TESPA1: variants seen among roughly 807,000 people sequenced by gnomAD.
TESPA1 encodes the protein thymocyte expressed, positive selection associated 1, also known as protein TESPA1.
Under a neutral mutation model 57.9 loss-of-function variants are expected in TESPA1, and 33 were observed. The observed-to-expected ratio is 0.57, with a 90% CI of 0.43 to 0.76. The LOEUF is 0.76. TESPA1 is among the 30% of genes least tolerant of loss of function. The probability of loss-of-function intolerance (pLI) is 0.00; values close to 1 mark genes in which losing one functional copy is unlikely to be tolerated. For missense variants in TESPA1, 618 were observed against 632.9 expected, an observed-to-expected ratio of 0.98 and a Z score of 0.25; for synonymous variants, 227 against 228.9, an observed-to-expected ratio of 0.99 and a Z score of 0.07.
rs973392036 is a variant in TESPA1, at chr12:54,974,472, C to T, written c.91G>A (p.Glu31Lys). The T allele has an allele frequency of 6.2e-7, 1 of 1,606,858 alleles. No homozygotes were observed. The highest frequency in any genetic ancestry group is 1.7e-5 in the Admixed American group (1 of 59,222). The change falls in exon 2 of 11, where the codon GAG (glutamate) becomes AAG (lysine). Residue 31 changes from glutamate to lysine, a missense_variant. Around this residue, in one of 3 missense-constraint regions of TESPA1, gnomAD observed 199 missense variants for 184.0 expected, o/e 1.08. Coordinates refer to ENST00000449076, the MANE Select transcript of TESPA1 (RefSeq NM_001136030.3). Reference protein sequence around the residue: ...SRNWQTQVLEEEAAAALQDVP... With the variant: ...SRNWQTQVLEKEAAAALQDVP... The stretch of plus-strand genomic sequence containing the variant: ...TCCTGCAGGGCGGCGGCAGCCTCCT[C>T]TTCTAGGACCTGGGTCTGCCAGTTA...
intron 8 of TESPA1, 136 bp downstream of exon 8, chr12:54,963,606 A>T: frequency 1.0e-6 from 1 of 1,004,590 alleles, no homozygotes; most frequent in African/African-American, 1.6e-5. Flanking sequence ...CACTGAAGAC[A>T]ACATAAGAGG....
intron 10 of TESPA1, among the ~76,000 whole-genome samples, chr12:54,953,521 A>ATTTTTTTTTT (rs1950529183): frequency 8.2e-6 from 1 of 121,602 alleles, no homozygotes; most frequent in Non-Finnish European, 1.6e-5. Flanking sequence ...TTTTTTATTT[A>ATTTTTTTTTT]CTTTTTTTTT....
chr12:54,966,513 C>T, intron 5 of TESPA1, 89 bp from the exon 6 acceptor site: 2 of 1,478,892 alleles, frequency 1.4e-6, no homozygotes, highest in Non-Finnish European at 1.8e-6. Flanking sequence ...ACTCAGTCCC[C>T]TCTGTTTCTT....
intron 10 of TESPA1, among the ~76,000 whole-genome samples, chr12:54,952,269 C>T (rs1206216671): frequency 6.6e-6 from 1 of 152,186 alleles, no homozygotes; most frequent in Non-Finnish European, 1.5e-5. Context: ...GCTCCCAGAA[C>T]TGTAGTAAAT....
At chr12:54,959,417 C>T (rs943472190) in intron 10 of TESPA1, among the ~76,000 whole-genome samples, 1 of 152,214 alleles carries the variant, frequency 6.6e-6, no homozygotes, top group African/African-American at 2.4e-5. Context: ...TCTCCCGCCC[C>T]CTGCGGGAAA....
chr12:54,977,041 C>T (rs141069455), intron 1 of TESPA1, among the ~76,000 whole-genome samples: 6 of 151,950 alleles, frequency 3.9e-5, no homozygotes, highest in Non-Finnish European at 7.4e-5. Context: ...CTACCTTAAT[C>T]GCTTTCACTG....
chr12:54,973,392 C>T (rs1951960007), intron 3 of TESPA1, 85 bp downstream of exon 3: 3 of 1,582,404 alleles, frequency 1.9e-6, no homozygotes, highest in Non-Finnish European at 1.7e-6. Flanking sequence ...AATCCATCTT[C>T]CCGTCTCTGA....
rs377509553 is a variant in TESPA1 at position 54,967,833 on chromosome 12, C to T, written c.256+10G>A. 2 of 1,613,506 alleles carry T rather than the reference C, an allele frequency of 1.2e-6. No homozygotes were observed. Among genetic ancestry groups the T allele is most frequent in the African/African-American group, 2.7e-5 (2 of 74,912 alleles). On this transcript the variant is annotated intron_variant, in intron 4 of 10. Transcript: ENST00000449076. ...TAGAAGAAAAATAGATGGACAGAAC[C>T]TATACTCACCATTGTAGATAAACTG...
intron 8 of TESPA1, 107 bp from the exon 9 acceptor site, chr12:54,963,349 C>T: frequency 8.9e-7 from 1 of 1,121,980 alleles, no homozygotes; most frequent in Non-Finnish European, 1.2e-6. Flanking sequence ...GAGAAGCTTC[C>T]AATTTTCCTA....
Position 54,962,745 on chromosome 12 carries a change from T to C in TESPA1, c.1153A>G (p.Asn385Asp), listed in dbSNP as rs1226970057. 6.2e-7 allele frequency: 1 copy of C among 1,613,776 alleles called. No homozygotes were observed. Among genetic ancestry groups the C allele is most frequent in the African/African-American group, 1.3e-5 (1 of 74,894 alleles). The change falls in exon 9 of 11, where the codon AAC becomes GAC. Residue 385 changes from asparagine to aspartate, a missense_variant. Transcript: ENST00000449076. ...TGTGTGCAACAGGGTACCTTGGGGTTCGAATCCAGAGTTTGGGATGGTGCT... is the reference window on the plus strand; with the variant it reads ...TGTGTGCAACAGGGTACCTTGGGGTCCGAATCCAGAGTTTGGGATGGTGCT... The part of the protein sequence containing the change: ...VLAPSQTLDS[N>D]PKVPCCTHSL...
At position 54,963,412 on chromosome 12, in the gene TESPA1, C is replaced by T. The variant is rs969835931; in HGVS notation, c.656-170G>A. Among the ~76,000 whole-genome samples the T allele has an allele frequency of 3.3e-5, 5 of 152,138 alleles. No individual in the cohort carries two copies. In the East Asian group the frequency reaches 7.7e-4, roughly 23 times the overall value. On this transcript the variant is annotated intron_variant, in intron 8 of 10. Transcript: ENST00000449076. ...ACACTCTTTTTCTGGAATTTCGTAA[C>T]TTCTTGACACCCCATCCCATGTAGA...
intron 10 of TESPA1, among the ~76,000 whole-genome samples, chr12:54,959,912 G>T (rs756222349): frequency 1.3e-5 from 2 of 152,102 alleles, no homozygotes; most frequent in Non-Finnish European, 2.9e-5. Flanking sequence ...ACATACATAT[G>T]ATTCATATAC....
Position 54,962,421 on chromosome 12 carries a change from A to G in TESPA1, c.1467+10T>C. The stretch of plus-strand genomic sequence containing the variant: ...TCTGCCAGTCTCTCCCTCACCTCCA[A>G]CCCACTTACCTCCTCCAAGTCAAAA... On this transcript the variant is annotated intron_variant, in intron 9 of 10. Coordinates refer to ENST00000449076, the MANE Select transcript of TESPA1 (RefSeq NM_001136030.3). 1 of 1,607,242 alleles carries G rather than the reference A, an allele frequency of 6.2e-7. No homozygotes were observed. Among genetic ancestry groups the G allele is most frequent in the Non-Finnish European group, 8.5e-7 (1 of 1,176,476 alleles).
intron 10 of TESPA1, among the ~76,000 whole-genome samples, chr12:54,960,534 T>C (rs1267559067): frequency 1.3e-5 from 2 of 152,204 alleles, no homozygotes; most frequent in Non-Finnish European, 2.9e-5. Flanking sequence ...GATTAGAACA[T>C]AGCTGAAAGC....
At chr12:54,971,739 T>A (rs1951840849) in intron 3 of TESPA1, among the ~76,000 whole-genome samples, 2 of 152,024 alleles carry the variant, frequency 1.3e-5, no homozygotes, top group Admixed American at 6.5e-5. Flanking sequence ...AAATAAAAAA[T>A]TAAATATTAA....
At chr12:54,955,709 C>T (rs1950689523) in intron 10 of TESPA1, among the ~76,000 whole-genome samples, 1 of 152,216 alleles carries the variant, frequency 6.6e-6, no homozygotes, top group South Asian at 2.1e-4. Context: ...TCATAGTCTG[C>T]TTCAATGGTA....
chr12:54,968,987 A>G (rs1225936458), intron 3 of TESPA1, among the ~76,000 whole-genome samples: 4 of 145,786 alleles, frequency 2.7e-5, no homozygotes, highest in African/African-American at 1.0e-4. Context: ...TTCTGCCTAA[A>G]TTTTACAAAA....
rs769609003 is a variant in TESPA1 at position 54,962,668 on chromosome 12, C to T, written c.1230G>A (p.Arg410=). The T allele has an allele frequency of 7.4e-6, 12 of 1,613,806 alleles. No individual in the cohort carries two copies. The highest frequency in any genetic ancestry group is 2.7e-5 in the African/African-American group (2 of 74,910). ...TGGCTGGTAGACTACACAGCTCTCT[C>T]CTTATCTGAGCTGGGTCTGTGCTCC... ...PQWSTDPAQI[R]RELCSLPATN... Residue 410 remains arginine, a synonymous_variant, in exon 9 of 11, where the codon AGG becomes AGA. Coordinates refer to ENST00000449076, the MANE Select transcript of TESPA1 (RefSeq NM_001136030.3).
At chr12:54,951,349 C>T (rs1405167585) in intron 10 of TESPA1, among the ~76,000 whole-genome samples, 2 of 152,186 alleles carry the variant, frequency 1.3e-5, no homozygotes, top group Admixed American at 6.5e-5. Context: ...CCTAGCCATG[C>T]CTCCTGCACA....
Sources: allele counts gnomAD v4.1 joint callset (sites outside exome capture counted in the v4.1 genomes callset), GRCh38; gene constraint gnomAD v4.1.1; regional missense constraint gnomAD v4.1.1; transcripts MANE v1.5; gene names NCBI Gene and HGNC (gene_info 2026-07-23, HGNC 2026-07-21).